NFIB: variants seen among roughly 807,000 people sequenced by gnomAD.
The protein encoded by NFIB is nuclear factor I B.
In NFIB, 11 loss-of-function variants were observed where a neutral mutation model predicts 61.5. The ratio of observed to expected loss-of-function variants is 0.18; its 90% CI spans 0.11 to 0.30. The LOEUF (loss-of-function observed/expected upper bound fraction) is 0.30, where lower values mean the gene tolerates loss of function less well. Among genes scored for constraint, NFIB ranks in the 10% least tolerant of loss-of-function variants. The pLI, the probability that NFIB is intolerant of heterozygous loss-of-function variation, is 1.00. For synonymous variants in NFIB, 260 were observed against 216.5 expected, an observed-to-expected ratio of 1.20 and a Z score of -1.76; for missense variants, 471 against 608.9, an observed-to-expected ratio of 0.77 and a Z score of 2.38.
At chr9:14,187,217 G>T (rs914089922) in intron 2 of NFIB, among the ~76,000 whole-genome samples, 10 of 151,862 alleles carry the variant, frequency 6.6e-5, no homozygotes, top group African/African-American at 2.4e-4. Context: ...TTATCACTTT[G>T]TTAATGGAAT....
chr9:14,346,173 G>C (rs1483865513), intron 1 of NFIB, among the ~76,000 whole-genome samples: 1 of 152,174 alleles, frequency 6.6e-6, no homozygotes, highest in Non-Finnish European at 1.5e-5. Context: ...ACTGGAAAGA[G>C]ACTTGCGGTG....
the NFIB span, among the ~76,000 whole-genome samples, chr9:14,420,445 C>CAAAAAAAAAAAAAAAA: frequency 8.5e-4 from 36 of 42,424 alleles, 2 homozygotes; most frequent in African/African-American, 2.0e-3. Flanking sequence ...GACTCCGTCT[C>CAAAAAAAAAAAAAAAA]AAAAAAAAAA....
At chr9:14,179,853 G>A (rs1159533462) in intron 2 of NFIB, 73 bp from the exon 3 acceptor site, 13 of 1,449,640 alleles carry the variant, frequency 9.0e-6, no homozygotes, top group African/African-American at 2.9e-5. Flanking sequence ...CAAAGGACTC[G>A]AAAAAAAAAT....
chr9:14,495,623 C>G, the NFIB span, among the ~76,000 whole-genome samples: 1 of 151,988 alleles, frequency 6.6e-6, no homozygotes, highest in Admixed American at 6.6e-5. Context: ...TCTGTACATT[C>G]TTTCAGGTTT....
chr9:14,301,270 C>G (rs1414929855), intron 2 of NFIB, among the ~76,000 whole-genome samples: 2 of 152,178 alleles, frequency 1.3e-5, no homozygotes, highest in Admixed American at 6.5e-5. Flanking sequence ...GCACAGTCCT[C>G]TCCAATTACC....
At chr9:14,163,595 C>G (rs7047737) in intron 3 of NFIB, among the ~76,000 whole-genome samples, 9,481 of 151,878 alleles carry the variant, frequency 0.062, 901 homozygotes, top group African/African-American at 0.21. Context: ...ATAAACCCCA[C>G]ATGCACCAAA....
rs146407182 is a variant in NFIB, at chr9:14,168,399, G to C, written c.616+11328C>G. Among the ~76,000 whole-genome samples, 90 of 152,316 alleles carry C rather than the reference G, an allele frequency of 5.9e-4. No homozygotes were observed. In the East Asian group the frequency reaches 0.014, roughly 24 times the overall value. On this transcript the variant is annotated intron_variant, in intron 3 of 10. Coordinates refer to ENST00000380953, the MANE Select transcript of NFIB (RefSeq NM_001190737.2). Reference sequence around the variant, plus strand: ...TACTGTAAAACAGCACTGCAGAGAGGCTCTGAAGAAGTCTCACTGAGGAGG... The same window carrying C: ...TACTGTAAAACAGCACTGCAGAGAGCCTCTGAAGAAGTCTCACTGAGGAGG...
the NFIB span, among the ~76,000 whole-genome samples, chr9:14,460,679 A>G: frequency 1.3e-5 from 2 of 152,214 alleles, no homozygotes; most frequent in Non-Finnish European, 2.9e-5. Context: ...GAAATTTTAA[A>G]TAAATTAGTA....
Position 14,125,636 on chromosome 9 carries a change from G to A in NFIB, c.1056C>T (p.His352=), listed in dbSNP as rs1456216896. The A allele has an allele frequency of 1.9e-6, 3 of 1,613,960 alleles. No homozygotes were observed. The highest frequency in any genetic ancestry group is 3.3e-5 in the Admixed American group (2 of 60,008). The stretch of plus-strand genomic sequence containing the variant: ...TCTATGCTTGAAACTCCTCACCACT[G>A]TGTGCAACTCCAGGTATTCCGGGAT... ...HHHPGIPGVA[H]SVISTRTPPP... is the part of the protein sequence containing the mutation. Residue 352 remains histidine, a synonymous_variant, in exon 7 of 11, where the codon CAC becomes CAT. Coordinates refer to ENST00000380953, the MANE Select transcript of NFIB (RefSeq NM_001190737.2).
chr9:14,229,228 C>A (rs1468643181), intron 2 of NFIB, among the ~76,000 whole-genome samples: 1 of 152,178 alleles, frequency 6.6e-6, no homozygotes, highest in African/African-American at 2.4e-5. Context: ...TCAATGAATT[C>A]TATTGAACCA....
chr9:14,381,073 CAAAAAAAA>C (rs34848529), intron 1 of NFIB, among the ~76,000 whole-genome samples: 259 of 82,560 alleles, frequency 3.1e-3, no homozygotes, highest in Admixed American at 6.5e-3. Flanking sequence ...GACTCCGTCT[CAAAAAAAA>C]AAAAAAAAAA....
intron 1 of NFIB, among the ~76,000 whole-genome samples, chr9:14,312,730 A>T (rs2060341133): frequency 6.6e-6 from 1 of 152,236 alleles, no homozygotes; most frequent in Non-Finnish European, 1.5e-5. Flanking sequence ...TACTTCTACC[A>T]GCATTACTTA....
chr9:14,456,990 C>A, the NFIB span, among the ~76,000 whole-genome samples: 1 of 152,150 alleles, frequency 6.6e-6, no homozygotes, highest in Admixed American at 6.5e-5. Flanking sequence ...CATAATTGAA[C>A]AATGTACAAC....
chr9:14,242,414 G>A (rs1587869471), intron 2 of NFIB, among the ~76,000 whole-genome samples: 2 of 152,296 alleles, frequency 1.3e-5, no homozygotes, highest in East Asian at 3.9e-4. Context: ...ACAGATTGGG[G>A]ATTTAGATCA....
intron 10 of NFIB, among the ~76,000 whole-genome samples, chr9:14,112,379 T>G (rs1047384626): frequency 6.6e-6 from 1 of 152,188 alleles, no homozygotes; most frequent in African/African-American, 2.4e-5. Context: ...AACACTTCAT[T>G]TGCATTAAAT....
the NFIB span, among the ~76,000 whole-genome samples, chr9:14,440,671 G>T: frequency 3.9e-5 from 6 of 152,166 alleles, no homozygotes; most frequent in Non-Finnish European, 8.8e-5. Context: ...TGCATCCCCT[G>T]ATAACAATGC....
At position 14,398,750 on chromosome 9, in the gene NFIB, C is replaced by A. The variant is rs1343374756; in HGVS notation, c.-119G>T. ...GCAAACGCAGCTTCATAGGAATGAACAGGCAGAAGGTCCGAAGAGTTTGAG... is the reference window on the plus strand; with the variant it reads ...GCAAACGCAGCTTCATAGGAATGAAAAGGCAGAAGGTCCGAAGAGTTTGAG... On this transcript the variant is annotated 5_prime_UTR_variant, in exon 1 of 9. Transcript: ENST00000380934. 6.1e-6 allele frequency: 4 copies of A among 660,142 alleles called. No homozygotes were observed. The East Asian group carries it at 1.2e-4, about 19-fold the overall frequency. 40.9% of individuals were successfully genotyped at this position (660,142 alleles called of 1,614,324 possible). A position where few individuals can be genotyped will look rare whatever the true frequency, so the allele number is the denominator to read the frequency against.
rs577526534 is a variant in NFIB at position 14,163,881 on chromosome 9, G to C, written c.617-7988C>G. Among the ~76,000 whole-genome samples, 53 of 151,322 alleles carry C rather than the reference G, an allele frequency of 3.5e-4. 2 individuals are homozygous for C. In the South Asian group the frequency reaches 1.0e-2, roughly 29 times the overall value. On this transcript the variant is annotated intron_variant, in intron 3 of 10. Transcript: ENST00000380953. ...ACTGTCTCATCTTTGGCAAATAAAAGTAAATAATAAAAAAATGACTGAATT... is the reference window on the plus strand; with the variant it reads ...ACTGTCTCATCTTTGGCAAATAAAACTAAATAATAAAAAAATGACTGAATT...
chr9:14,315,588 C>G (rs2060507543), upstream of NFIB, among the ~76,000 whole-genome samples: 1 of 145,102 alleles, frequency 6.9e-6, no homozygotes, highest in African/African-American at 2.5e-5. Flanking sequence ...CCTCCAGAGG[C>G]TGCGGGCCCT....
Sources: allele counts gnomAD v4.1 joint callset (sites outside exome capture counted in the v4.1 genomes callset), GRCh38; gene constraint gnomAD v4.1.1; transcripts MANE v1.5; gene names NCBI Gene and HGNC (gene_info 2026-07-23, HGNC 2026-07-21).